The following SOX6 variants were observed in gnomAD, a reference collection of about 807,000 sequenced individuals.
SOX6 encodes transcription factor SOX-6.
Under a neutral mutation model 97.8 loss-of-function variants are expected in SOX6, and 11 were observed. That is an observed-to-expected ratio of 0.11 (90% CI 0.07 to 0.19). SOX6 has a LOEUF of 0.19. SOX6 is among the 10% of genes least tolerant of loss of function. The pLI, the probability that SOX6 is intolerant of heterozygous loss-of-function variation, is 1.00. For synonymous variants in SOX6, 360 were observed against 371.4 expected (o/e 0.97, Z 0.35); for missense variants, 810 against 1,039.5 (o/e 0.78, Z 3.04).
intron 4 of SOX6, among the ~76,000 whole-genome samples, chr11:16,529,155 T>C (rs893273011): frequency 1.3e-5 from 2 of 152,096 alleles, no homozygotes; most frequent in Non-Finnish European, 2.9e-5. Flanking sequence ...TTCTAAGTTG[T>C]TATTGTTGAT....
intron 3 of SOX6, among the ~76,000 whole-genome samples, chr11:16,632,315 TG>T (rs1320613164): frequency 1.3e-5 from 2 of 152,198 alleles, no homozygotes; most frequent in Admixed American, 1.3e-4. Flanking sequence ...CTGCTGGCTT[TG>T]CTTCTAAAGT....
intron 4 of SOX6, among the ~76,000 whole-genome samples, chr11:16,585,758 CCACAGCCAG>C (rs1480910821): frequency 1.4e-5 from 2 of 140,200 alleles, no homozygotes; most frequent in Non-Finnish European, 3.0e-5. Context: ...TCACGGTTTG[CCACAGCCAG>C]GACCTTCCAG....
At chr11:16,188,229 CAAAAAA>C (rs5789943) in intron 4 of SOX6, among the ~76,000 whole-genome samples, 13 of 113,600 alleles carry the variant, frequency 1.1e-4, no homozygotes, top group African/African-American at 2.2e-4. Context: ...AACTCAGGTC[CAAAAAA>C]AAAAAAAAAA....
intron 3 of SOX6, among the ~76,000 whole-genome samples, chr11:16,708,792 C>A (rs1848155662): frequency 6.6e-6 from 1 of 152,150 alleles, no homozygotes; most frequent in Non-Finnish European, 1.5e-5. Context: ...TGGCTCTAGA[C>A]AAATTGCATT....
chr11:16,236,441 A>G (rs1565038578), intron 3 of SOX6, among the ~76,000 whole-genome samples: 2 of 151,996 alleles, frequency 1.3e-5, no homozygotes, highest in East Asian at 1.9e-4. Context: ...TCTGAAAGAG[A>G]TTGATATAAC....
Position 16,564,913 on chromosome 11 carries a change from A to G in SOX6, n.609+47168T>C, listed in dbSNP as rs565478120. Reference sequence around the variant, plus strand: ...CCCATCTCAAGAACCCAGAAAAACAAGAGAGCAAAATTAACCCAAAGCAAG... The same window carrying G: ...CCCATCTCAAGAACCCAGAAAAACAGGAGAGCAAAATTAACCCAAAGCAAG... On this transcript the variant is annotated intron_variant and non_coding_transcript_variant, in intron 4 of 5. Coordinates refer to the SOX6 transcript ENST00000524520. 2.0e-5 allele frequency among the ~76,000 whole-genome samples: 3 copies of G among 152,102 alleles called. No homozygotes were observed. The South Asian group carries it at 6.2e-4, about 32-fold the overall frequency.
intron 1 of SOX6, among the ~76,000 whole-genome samples, chr11:16,351,005 T>G (rs1468030834): frequency 6.6e-6 from 1 of 152,118 alleles, no homozygotes; most frequent in Non-Finnish European, 1.5e-5. Flanking sequence ...AACATTATTA[T>G]TTCTCTATAC....
chr11:16,490,929 C>T (rs1224047074), intron 4 of SOX6, among the ~76,000 whole-genome samples: 1 of 152,054 alleles, frequency 6.6e-6, no homozygotes, highest in East Asian at 1.9e-4. Flanking sequence ...AAACATCATA[C>T]CATGATTCTT....
In SOX6 at chr11:15,968,302, C is replaced by G. The variant is rs1325540255; in HGVS notation, c.*4507G>C. ...CTACAGCAACCATTTTTGTCATTTTCTCATTAAAAAGGAAGACCCAGTAGT... is the reference window on the plus strand; with the variant it reads ...CTACAGCAACCATTTTTGTCATTTTGTCATTAAAAAGGAAGACCCAGTAGT... On this transcript the variant is annotated 3_prime_UTR_variant, in exon 16 of 16. Coordinates refer to ENST00000683767, the MANE Select transcript of SOX6 (RefSeq NM_001367873.1). The G allele has an allele frequency of 6.6e-6, 1 of 152,154 alleles. No homozygotes were observed. The highest frequency in any genetic ancestry group is 1.5e-5 in the Non-Finnish European group (1 of 68,008). 9.4% of individuals were successfully genotyped at this position (152,154 alleles called of 1,614,324 possible). A position where few individuals can be genotyped will look rare whatever the true frequency, so the allele number is the denominator to read the frequency against.
upstream of SOX6, among the ~76,000 whole-genome samples, chr11:16,480,747 T>G (rs1024691692): frequency 3.3e-5 from 5 of 152,094 alleles, no homozygotes; most frequent in Non-Finnish European, 7.4e-5. Flanking sequence ...ACTCAATGAT[T>G]CTAAGGTATT....
intron 1 of SOX6, among the ~76,000 whole-genome samples, chr11:16,439,589 C>T (rs903488630): frequency 6.6e-6 from 1 of 152,120 alleles, no homozygotes; most frequent in African/African-American, 2.4e-5. Flanking sequence ...ACAGCTACAG[C>T]ACCAAAAAAT....
chr11:16,132,674 C>T (rs527555533), intron 6 of SOX6, among the ~76,000 whole-genome samples: 2 of 150,938 alleles, frequency 1.3e-5, no homozygotes, highest in Admixed American at 6.6e-5. Flanking sequence ...TTCTATATCC[C>T]TCTTGAGCTA....
At chr11:16,120,203 C>T (rs998626847) in intron 6 of SOX6, among the ~76,000 whole-genome samples, 7 of 147,374 alleles carry the variant, frequency 4.7e-5, no homozygotes, top group Admixed American at 3.4e-4. Flanking sequence ...CTCACTCCCC[C>T]TCCTGCTCTC....
intron 12 of SOX6, among the ~76,000 whole-genome samples, chr11:16,045,939 T>C (rs1855814862): frequency 6.6e-6 from 1 of 152,232 alleles, no homozygotes; most frequent in African/African-American, 2.4e-5. Context: ...TATTAGAATA[T>C]AAGCTCTAGG....
intron 6 of SOX6, among the ~76,000 whole-genome samples, chr11:16,116,757 G>A (rs373535974): frequency 6.6e-6 from 1 of 152,160 alleles, no homozygotes; most frequent in East Asian, 1.9e-4. Flanking sequence ...CACATAGCAG[G>A]AGGTAAGCAG....
chr11:16,233,670 T>C (rs894030871), intron 4 of SOX6, among the ~76,000 whole-genome samples: 2 of 152,058 alleles, frequency 1.3e-5, no homozygotes, highest in Non-Finnish European at 2.9e-5. Flanking sequence ...AATGAGCCTA[T>C]GAAGGAAATA....
intron 9 of SOX6, among the ~76,000 whole-genome samples, chr11:16,062,387 C>G (rs537703140): frequency 5.9e-5 from 9 of 151,670 alleles, no homozygotes; most frequent in Admixed American, 1.3e-4. Flanking sequence ...TAAGGGTCTA[C>G]AAAAATGTCA....
At chr11:16,398,164 T>C (rs960630858) in intron 1 of SOX6, among the ~76,000 whole-genome samples, 9 of 151,580 alleles carry the variant, frequency 5.9e-5, no homozygotes, top group Admixed American at 2.6e-4. Context: ...GATTCTTACA[T>C]ACCTTAAAAG....
At chr11:16,609,510 TG>T (rs2133981730) in intron 4 of SOX6, among the ~76,000 whole-genome samples, 1 of 152,332 alleles carries the variant, frequency 6.6e-6, no homozygotes, top group East Asian at 1.9e-4. Flanking sequence ...GAAAGTTTCA[TG>T]GCAATCTAAA....
Sources: gnomAD v4.1 joint callset for allele counts (sites outside exome capture counted in the v4.1 genomes callset) on GRCh38, gnomAD v4.1.1 for gene constraint, MANE v1.5 for transcripts, NCBI Gene and HGNC (gene_info 2026-07-23, HGNC 2026-07-21) for gene names.